The following SYT6 variants were observed in gnomAD, a reference collection of about 807,000 sequenced individuals.
SYT6 encodes the protein synaptotagmin 6.
In SYT6, 24 loss-of-function variants were observed where a neutral mutation model predicts 38.4. That is an observed-to-expected ratio of 0.62 (90% CI 0.45 to 0.88). The LOEUF (loss-of-function observed/expected upper bound fraction) is 0.88. SYT6 is among the 40% of genes least tolerant of loss of function. SYT6 has a pLI of 0.00. For synonymous variants in SYT6, 265 were observed against 241.9 expected (o/e 1.10, Z -0.89); for missense variants, 611 against 621.0 (o/e 0.98, Z 0.17).
chr1:114,094,645 T>C (rs1243431276), intron 6 of SYT6, among the ~76,000 whole-genome samples: 2 of 152,240 alleles, frequency 1.3e-5, no homozygotes, highest in South Asian at 2.1e-4. Flanking sequence ...GCAAGTATAA[T>C]GCCCTCTGTT....
At chr1:114,106,714 C>T (rs931404773) in intron 3 of SYT6, among the ~76,000 whole-genome samples, 3 of 152,096 alleles carry the variant, frequency 2.0e-5, no homozygotes, top group Non-Finnish European at 2.9e-5. Context: ...TGCCCCCACA[C>T]CACACCCCCA....
At chr1:114,142,067 AAAC>A (rs1191634802) in intron 1 of SYT6, among the ~76,000 whole-genome samples, 1 of 152,186 alleles carries the variant, frequency 6.6e-6, no homozygotes, top group Admixed American at 6.5e-5. Flanking sequence ...ATGCCAGCTA[AAAC>A]AACGTCCATT....
chr1:114,128,649 GT>G (rs1677894938), intron 3 of SYT6, among the ~76,000 whole-genome samples: 1 of 152,298 alleles, frequency 6.6e-6, no homozygotes, highest in South Asian at 2.1e-4. Context: ...AAACTGGCCA[GT>G]TCTCAGTCTG....
intron 4 of SYT6, among the ~76,000 whole-genome samples, chr1:114,102,619 T>A (rs1214295936): frequency 1.3e-5 from 2 of 151,834 alleles, no homozygotes; most frequent in African/African-American, 4.8e-5. Flanking sequence ...AAAGCAAATA[T>A]GAGGAAAAAT....
intron 1 of SYT6, among the ~76,000 whole-genome samples, chr1:114,143,263 TTAGTC>T (rs1202922930): frequency 1.3e-5 from 2 of 149,258 alleles, no homozygotes; most frequent in Non-Finnish European, 3.0e-5. Context: ...AAAATATACT[TTAGTC>T]TATTAAGTGT....
At chr1:114,122,528 C>A (rs1677477394) in intron 3 of SYT6, among the ~76,000 whole-genome samples, 1 of 151,896 alleles carries the variant, frequency 6.6e-6, no homozygotes, top group East Asian at 1.9e-4. Context: ...AGCATATGCA[C>A]ACACACACGT....
chr1:114,137,099 AC>A (rs1366673228), intron 3 of SYT6, among the ~76,000 whole-genome samples: 3 of 152,170 alleles, frequency 2.0e-5, no homozygotes, highest in African/African-American at 2.4e-5. Flanking sequence ...CAAGGCATAA[AC>A]TTTGGTTGTC....
At chr1:114,123,035 C>T (rs975124933) in intron 3 of SYT6, among the ~76,000 whole-genome samples, 2 of 152,342 alleles carry the variant, frequency 1.3e-5, no homozygotes, top group South Asian at 4.1e-4. Context: ...GTTCCGCGTG[C>T]CCTCCTTCCT....
intron 1 of SYT6, among the ~76,000 whole-genome samples, chr1:114,145,076 A>G (rs1282787814): frequency 1.3e-5 from 2 of 152,126 alleles, no homozygotes; most frequent in African/African-American, 4.8e-5. Context: ...CTTCTATACT[A>G]AAGGTCTCCA....
At chr1:114,120,643 CTT>C (rs980771591) in intron 3 of SYT6, among the ~76,000 whole-genome samples, 3 of 152,242 alleles carry the variant, frequency 2.0e-5, no homozygotes, top group African/African-American at 7.2e-5. Flanking sequence ...CTTAGTCTCT[CTT>C]AGCTTAATTT....
At chr1:114,149,283 CATTAATA>C (rs4026591) in intron 1 of SYT6, among the ~76,000 whole-genome samples, 103,533 of 142,188 alleles carry the variant, frequency 0.73, 37,646 homozygotes, top group Middle Eastern at 0.85. Context: ...AGACGTGGCC[CATTAATA>C]ATTAATAATA....
In SYT6 at chr1:114,120,025, C is replaced by T. The variant is rs534294714; in HGVS notation, c.1072-16304G>A. The stretch of plus-strand genomic sequence containing the variant: ...GGCGGAACTTGCAGTGAGCCGAGAT[C>T]GCACCACTGCACTCCAGCCTGGGCG... On this transcript the variant is annotated intron_variant, in intron 3 of 7. Coordinates refer to ENST00000610222, the MANE Select transcript of SYT6 (RefSeq NM_001253772.2). 5.5e-4 allele frequency among the ~76,000 whole-genome samples: 83 copies of T among 149,798 alleles called. 1 individual carries two copies. Among genetic ancestry groups the T allele is most frequent in the African/African-American group, 2.0e-3 (79 of 40,422 alleles).
chr1:114,112,535 G>C (rs1267712677), intron 3 of SYT6, among the ~76,000 whole-genome samples: 1 of 152,132 alleles, frequency 6.6e-6, no homozygotes, highest in Admixed American at 6.5e-5. Flanking sequence ...TTTTTAAAGT[G>C]AGGGTGGAGA....
At chr1:114,120,863 C>T (rs1392761763) in intron 3 of SYT6, among the ~76,000 whole-genome samples, 1 of 152,128 alleles carries the variant, frequency 6.6e-6, no homozygotes, top group South Asian at 2.1e-4. Context: ...CTGGCTAGGA[C>T]CCCCTCCTAC....
At chr1:114,117,986 C>T (rs1251630921) in intron 3 of SYT6, among the ~76,000 whole-genome samples, 1 of 152,232 alleles carries the variant, frequency 6.6e-6, no homozygotes, top group Non-Finnish European at 1.5e-5. Context: ...CCTTCCTGTT[C>T]CATCCTGCTG....
chr1:114,150,049 C>T (rs1427093123), intron 1 of SYT6, among the ~76,000 whole-genome samples: 1 of 152,176 alleles, frequency 6.6e-6, no homozygotes, highest in African/African-American at 2.4e-5. Flanking sequence ...TCTTAGCATG[C>T]TTTCCCCACT....
At chr1:114,125,716 C>T (rs751864213) in intron 3 of SYT6, among the ~76,000 whole-genome samples, 1 of 152,168 alleles carries the variant, frequency 6.6e-6, no homozygotes, top group African/African-American at 2.4e-5. Flanking sequence ...CTACAGCTCA[C>T]CTTGTCTCCT....
chr1:114,139,678 T>C lies in SYT6; in HGVS notation c.449A>G (p.Lys150Arg), dbSNP rs779934508. The change falls in exon 2 of 8, where the codon AAG (lysine) becomes AGG (arginine). Residue 150 changes from lysine to arginine, a missense_variant. Physicochemically the swap from Lys to Arg is conservative, Grantham distance 26. Coordinates refer to ENST00000610222, the MANE Select transcript of SYT6 (RefSeq NM_001253772.2). ...CCGGGTGTGACGCATGATGTGCTCC[T>C]TGACCGACATCTGCACCTCAGCTGG... ...DIPAEVQMSV[K>R]EHIMRHTRLQ... 3.7e-6 allele frequency: 6 copies of C among 1,613,844 alleles called. No individual in the cohort carries two copies. The Admixed American group carries it at 8.3e-5, about 22-fold the overall frequency.
At position 114,092,089 on chromosome 1, in the gene SYT6, AGAG is replaced by A. The variant is rs1294844622; in HGVS notation, c.*52-10_*52-8del. ...TAGCAGCTCGGCCCTGCCACTGCAA[AGAG>A]GAGAACAATCTGTTTATTAATTGCT... On this transcript the variant is annotated splice_polypyrimidine_tract_variant and splice_region_variant and intron_variant, in intron 7 of 7. Coordinates refer to ENST00000610222, the MANE Select transcript of SYT6 (RefSeq NM_001253772.2). 4 of 1,536,126 alleles carry A rather than the reference AGAG, an allele frequency of 2.6e-6. No individual in the cohort carries two copies. The highest frequency in any genetic ancestry group is 3.5e-6 in the Non-Finnish European group (4 of 1,146,820).
Sources: gnomAD v4.1 joint callset for allele counts (sites outside exome capture counted in the v4.1 genomes callset) on GRCh38, gnomAD v4.1.1 for gene constraint, MANE v1.5 for transcripts, NCBI Gene and HGNC (gene_info 2026-07-23, HGNC 2026-07-21) for gene names.